Variants in FMN2 observed in about 807,000 individuals in gnomAD.
FMN2 encodes formin 2, also known as formin-2.
A neutral mutation model predicts 142.3 loss-of-function variants in FMN2; 51 were observed. That is an observed-to-expected ratio of 0.36 (90% CI 0.29 to 0.45). FMN2 has a LOEUF of 0.45. FMN2 is among the 20% of genes least tolerant of loss of function. The probability of loss-of-function intolerance (pLI) is 1.00; values close to 1 mark genes in which losing one functional copy is unlikely to be tolerated. For missense variants in FMN2, 1,936 were observed against 2,122.8 expected (o/e 0.91, Z 1.73); for synonymous variants, 882 against 869.8 (o/e 1.01, Z -0.25).
At chr1:240,148,403 GAGAC>G (rs1571986094) in intron 2 of FMN2, among the ~76,000 whole-genome samples, 2 of 151,526 alleles carry the variant, frequency 1.3e-5, no homozygotes, top group African/African-American at 2.4e-5. Context: ...GAAAGACAGA[GAGAC>G]AGAGACAGAC....
At chr1:240,259,786 C>G (rs1194324312) in intron 7 of FMN2, among the ~76,000 whole-genome samples, 1 of 152,080 alleles carries the variant, frequency 6.6e-6, no homozygotes, top group African/African-American at 2.4e-5. Flanking sequence ...TTTTGGGGAA[C>G]AGGTGGTATT....
At chr1:240,178,175 C>T in intron 3 of FMN2, 107 bp downstream of exon 3, 2 of 1,251,888 alleles carry the variant, frequency 1.6e-6, no homozygotes, top group East Asian at 2.8e-5. Flanking sequence ...AATTGCATGG[C>T]ATTCAGATAT....
intron 3 of FMN2, among the ~76,000 whole-genome samples, chr1:240,185,293 C>T (rs1665389709): frequency 1.3e-5 from 2 of 151,324 alleles, no homozygotes; most frequent in South Asian, 4.2e-4. Context: ...ATTTATTTTC[C>T]CTTTATTTTT....
intron 8 of FMN2, among the ~76,000 whole-genome samples, chr1:240,313,807 G>A (rs58112147): frequency 0.18 from 26,876 of 151,796 alleles, 3,577 homozygotes; most frequent in African/African-American, 0.37. Flanking sequence ...GTCTCTACTA[G>A]AAATACAAAT....
intron 2 of FMN2, among the ~76,000 whole-genome samples, chr1:240,165,677 A>G (rs1664452988): frequency 6.7e-6 from 1 of 149,052 alleles, no homozygotes; most frequent in Non-Finnish European, 1.5e-5. Flanking sequence ...GTTTGATCTC[A>G]TCTTTTCCCA....
At chr1:240,300,441 T>C (rs1038712727) in intron 8 of FMN2, among the ~76,000 whole-genome samples, 1 of 152,174 alleles carries the variant, frequency 6.6e-6, no homozygotes, top group Admixed American at 6.5e-5. Context: ...TGATTTGTAT[T>C]TACCATTGTT....
At chr1:240,140,793 C>T (rs1231944304) in intron 2 of FMN2, among the ~76,000 whole-genome samples, 1 of 152,176 alleles carries the variant, frequency 6.6e-6, no homozygotes, top group East Asian at 1.9e-4. Flanking sequence ...AGCCATGTGT[C>T]TGTACAGTGT....
At chr1:240,099,157 CTATTTGCTCTCCTGACTGGATT>C (rs1661323125) in intron 1 of FMN2, among the ~76,000 whole-genome samples, 1 of 151,924 alleles carries the variant, frequency 6.6e-6, no homozygotes, top group Non-Finnish European at 1.5e-5. Flanking sequence ...TTAACTGGGG[CTATTTGCTCTCCTGACTGGATT>C]TATTATCTTA....
intron 2 of FMN2, among the ~76,000 whole-genome samples, chr1:240,127,124 T>C (rs1662543785): frequency 6.6e-6 from 1 of 150,668 alleles, no homozygotes. Context: ...AATATGGCTT[T>C]TTTTTTTTTT....
At chr1:240,244,526 G>A (rs1316872480) in intron 6 of FMN2, among the ~76,000 whole-genome samples, 1 of 152,114 alleles carries the variant, frequency 6.6e-6, no homozygotes, top group South Asian at 2.1e-4. Context: ...TGTGGTTTTG[G>A]CTACTTGTGT....
chr1:240,093,049 G>A lies in FMN2; in HGVS notation c.940G>A (p.Ala314Thr), dbSNP rs1661056275. ...CAGTCTCCCGGCAGCGCAACCCGCG[G>A]CCAAAGACTCGCCCTCCTCCACGGC... ...APSLPAAQPAAKDSPSSTAFP... is the reference protein window; with the variant it reads ...APSLPAAQPATKDSPSSTAFP... Residue 314 changes from alanine (A) to threonine (T), a missense_variant, in exon 1 of 18, where the codon GCC becomes ACC. By Grantham distance (58) the Ala-to-Thr change is moderately conservative (BLOSUM62 0). Around this residue, in one of 8 missense-constraint regions of FMN2, gnomAD observed 751 missense variants for 791.8 expected, o/e 0.95. Coordinates refer to ENST00000319653, the MANE Select transcript of FMN2 (RefSeq NM_020066.5). 21 of 1,392,584 alleles carry A rather than the reference G, an allele frequency of 1.5e-5. No homozygotes were observed. The highest frequency in any genetic ancestry group is 8.7e-5 in the East Asian group (3 of 34,394). The allele number at this position is 1,392,584 out of a possible 1,614,324, so 86.3% of individuals were successfully genotyped here.
intron 16 of FMN2, among the ~76,000 whole-genome samples, chr1:240,459,743 A>C (rs1430620747): frequency 2.2e-5 from 3 of 138,184 alleles, no homozygotes; most frequent in Non-Finnish European, 4.8e-5. Context: ...AAAAAAAAAA[A>C]AAAAAAAAAA....
intron 14 of FMN2, among the ~76,000 whole-genome samples, chr1:240,372,926 C>T (rs1468305584): frequency 6.6e-6 from 1 of 152,114 alleles, no homozygotes; most frequent in African/African-American, 2.4e-5. Flanking sequence ...GTGGCTCATG[C>T]CTGTAATCCC....
intron 8 of FMN2, among the ~76,000 whole-genome samples, chr1:240,295,189 TAC>T (rs67137806): frequency 0.29 from 41,119 of 143,848 alleles, 5,945 homozygotes; most frequent in Middle Eastern, 0.45. Context: ...GTGCACTTCA[TAC>T]ACACACACAC....
intron 7 of FMN2, among the ~76,000 whole-genome samples, chr1:240,283,141 CT>C (rs895643247): frequency 1.6e-4 from 24 of 152,010 alleles, no homozygotes; most frequent in Non-Finnish European, 2.8e-4. Context: ...CTGTGTTTTT[CT>C]TTTTTTTCTT....
intron 8 of FMN2, among the ~76,000 whole-genome samples, chr1:240,325,542 G>T (rs530511541): frequency 5.4e-4 from 54 of 100,384 alleles, no homozygotes; most frequent in African/African-American, 2.1e-3. Flanking sequence ...TTGCTAACTT[G>T]CCTAGTGTCA....
chr1:240,288,180 G>A (rs1027054814), intron 7 of FMN2, among the ~76,000 whole-genome samples: 2 of 152,152 alleles, frequency 1.3e-5, no homozygotes, highest in Non-Finnish European at 2.9e-5. Flanking sequence ...ATAGAGAAAG[G>A]ATACAACAGT....
intron 16 of FMN2, 73 bp downstream of exon 16, chr1:240,438,283 A>G (rs980594175): frequency 3.2e-5 from 48 of 1,490,958 alleles, no homozygotes; most frequent in Admixed American, 1.3e-4. Flanking sequence ...TGGGTTGCCA[A>G]TTTTCGTAGC....
At chr1:240,134,406 T>C (rs563835941) in intron 2 of FMN2, among the ~76,000 whole-genome samples, 1 of 152,206 alleles carries the variant, frequency 6.6e-6, no homozygotes, top group East Asian at 1.9e-4. Flanking sequence ...GGAGGATCGC[T>C]TGAGCCCAGG....
Sources: gnomAD v4.1 joint callset for allele counts (sites outside exome capture counted in the v4.1 genomes callset) on GRCh38, gnomAD v4.1.1 for gene constraint, gnomAD v4.1.1 regional missense constraint, MANE v1.5 for transcripts, NCBI Gene and HGNC (gene_info 2026-07-23, HGNC 2026-07-21) for gene names.